TRMT44: variants seen among roughly 807,000 people sequenced by gnomAD.
TRMT44 encodes the protein probable tRNA (uracil-O(2)-)-methyltransferase.
Under a neutral mutation model 77.3 loss-of-function variants are expected in TRMT44, and 78 were observed. That is an observed-to-expected ratio of 1.01 (90% CI 0.84 to 1.22). TRMT44 has a LOEUF of 1.22. TRMT44 is among the 50% of genes most tolerant of loss of function. The pLI, the probability that TRMT44 is intolerant of heterozygous loss-of-function variation, is 0.00. For missense variants in TRMT44, 1,090 were observed against 964.4 expected (o/e 1.13, Z -1.73); for synonymous variants, 391 against 383.3 (o/e 1.02, Z -0.23).
rs187709509 is a variant in TRMT44 at position 8,461,307 on chromosome 4, A to G, written c.1204-2678A>G. Among the ~76,000 whole-genome samples, 35 of 152,312 alleles carry G rather than the reference A, an allele frequency of 2.3e-4. No homozygotes were observed. The highest frequency in any genetic ancestry group is 1.1e-3 in the Admixed American group (17 of 15,298). On this transcript the variant is annotated intron_variant, in intron 6 of 10. Coordinates refer to ENST00000389737, the MANE Select transcript of TRMT44 (RefSeq NM_152544.3). The surrounding 1 kb of genome is among the most constrained non-coding windows in gnomAD (Gnocchi z 4.6). ...AGTGCACTCGGGAGGCTCTGCAAAT[A>G]TGTGTGTAGACTATAGACTCTCACA...
At chr4:8,469,789 C>T (rs983054010) in intron 9 of TRMT44, among the ~76,000 whole-genome samples, 3 of 152,242 alleles carry the variant, frequency 2.0e-5, no homozygotes, top group African/African-American at 7.2e-5. Context: ...TCCCTCCCGC[C>T]CACAGGCGGC....
intron 5 of TRMT44, chr4:8,453,268 C>A: frequency 4.5e-6 from 1 of 221,858 alleles, no homozygotes; most frequent in Non-Finnish European, 8.8e-6. Flanking sequence ...TGTTTTTTTG[C>A]TGTCAGATTT....
At chr4:8,492,665 C>T (rs551497973) in intron 2 of TRMT44, among the ~76,000 whole-genome samples, 2 of 152,340 alleles carry the variant, frequency 1.3e-5, no homozygotes, top group Admixed American at 1.3e-4. Flanking sequence ...TACATACCTC[C>T]CTCACAAGGA....
intron 2 of TRMT44, among the ~76,000 whole-genome samples, chr4:8,491,526 G>A (rs1224092555): frequency 2.0e-5 from 3 of 152,240 alleles, no homozygotes; most frequent in Non-Finnish European, 4.4e-5. Context: ...GCTCAGGCAT[G>A]GCGGGCTGCA....
chr4:8,441,020 G>A lies in TRMT44; in HGVS notation c.198G>A (p.Glu66=), dbSNP rs1207453129. 6.6e-7 allele frequency: 1 copy of A among 1,507,306 alleles called. No homozygotes were observed. The highest frequency in any genetic ancestry group is 2.5e-5 in the East Asian group (1 of 40,406). 93.4% of individuals were successfully genotyped at this position (1,507,306 alleles called of 1,614,324 possible). Residue 66 remains glutamate, a synonymous_variant, in exon 1 of 11, where the codon GAG becomes GAA. Coordinates refer to ENST00000389737, the MANE Select transcript of TRMT44 (RefSeq NM_152544.3). ...ARGPGTSAGS[E]QKERGPGPGQ... ...GCCCCGGGACTAGCGCAGGCTCGGAGCAGAAGGAGCGGGGTCCGGGACCCG... is the reference window on the plus strand; with the variant it reads ...GCCCCGGGACTAGCGCAGGCTCGGAACAGAAGGAGCGGGGTCCGGGACCCG...
chr4:8,468,738 A>T (rs12509545), intron 9 of TRMT44, among the ~76,000 whole-genome samples: 3,898 of 152,364 alleles, frequency 0.026, 88 homozygotes, highest in African/African-American at 0.064. Context: ...CGATAATTTA[A>T]TTCTCTTTGA....
At chr4:8,454,863 A>G in intron 6 of TRMT44, 50 bp downstream of exon 6, 1 of 1,542,384 alleles carries the variant, frequency 6.5e-7, no homozygotes, top group Non-Finnish European at 9.0e-7. Flanking sequence ...CTTAGCTCCC[A>G]GTGGGAATTG....
In TRMT44 at chr4:8,452,043, G is replaced by A. The variant is rs1363509430; in HGVS notation, c.1023+15G>A. ...CATACCTGCTGGTAAGGGTGTAAGC[G>A]ACCTCAGCTTCTCTGGAGTGGGTGG... On this transcript the variant is annotated intron_variant, in intron 4 of 10. Transcript: ENST00000389737. This position sits in a 1 kb window ranked among gnomAD's most constrained non-coding sequence, Gnocchi z 5.7. The A allele has an allele frequency of 4.6e-6, 7 of 1,535,740 alleles. No homozygotes were observed. In the East Asian group the frequency reaches 9.8e-5, roughly 21 times the overall value.
chr4:8,476,230 C>A lies in TRMT44; in HGVS notation c.*229C>A. 1 of 583,714 alleles carries A rather than the reference C, an allele frequency of 1.7e-6. No individual in the cohort carries two copies. The highest frequency in any genetic ancestry group is 3.1e-6 in the Non-Finnish European group (1 of 327,742). The allele number at this position is 583,714 out of a possible 1,614,324, so 36.2% of individuals were successfully genotyped here. ...CTGCCTGGCTTGTTTCAGATGCAGC[C>A]GCTTGAAACGTGCGCAGCATCTTCA... On this transcript the variant is annotated 3_prime_UTR_variant, in exon 11 of 11. Coordinates refer to ENST00000389737, the MANE Select transcript of TRMT44 (RefSeq NM_152544.3).
At chr4:8,496,386 A>G (rs1280271166), downstream of TRMT44, among the ~76,000 whole-genome samples, 1 of 152,224 alleles carries the variant, frequency 6.6e-6, no homozygotes, top group Non-Finnish European at 1.5e-5. Context: ...GGCCTGCAGC[A>G]GCACCTTGGT....
At chr4:8,489,206 A>G (rs116479118) in intron 2 of TRMT44, among the ~76,000 whole-genome samples, 3,453 of 152,294 alleles carry the variant, frequency 0.023, 70 homozygotes, top group African/African-American at 0.053. Flanking sequence ...CTGTCATTGC[A>G]TGGGATCACA....
chr4:8,460,967 G>C lies in TRMT44; in HGVS notation c.1204-3018G>C, dbSNP rs140414015. On this transcript the variant is annotated intron_variant, in intron 6 of 10. Coordinates refer to ENST00000389737, the MANE Select transcript of TRMT44 (RefSeq NM_152544.3). ...TGGACTGAGTGATCTTCCCACCTCA[G>C]CCTCCGAGTAGCTGGGGCCGCAGGT... is the stretch of plus-strand genomic sequence containing the variant. Among the ~76,000 whole-genome samples the C allele has an allele frequency of 1.2e-4, 18 of 152,264 alleles. No individual in the cohort carries two copies. The East Asian group carries it at 3.3e-3, about 28-fold the overall frequency.
In TRMT44 at chr4:8,440,840, T is replaced by C. The variant is rs1389772777; in HGVS notation, c.18T>C (p.Arg6=). 1 of 1,504,328 alleles carries C rather than the reference T, an allele frequency of 6.6e-7. No individual in the cohort carries two copies. Among genetic ancestry groups the C allele is most frequent in the African/African-American group, 1.4e-5 (1 of 70,544 alleles). The allele number at this position is 1,504,328 out of a possible 1,614,324, so 93.2% of individuals were successfully genotyped here. A position where few individuals can be genotyped will look rare whatever the true frequency, so the allele number is the denominator to read the frequency against. ...TGGCTGCCATGGCTGAGGTGGGCCG[T>C]ACCGGGATCAGCTACCCAGGCGCGC... The part of the protein sequence containing the change: MAEVG[R]TGISYPGALL... The change falls in exon 1 of 11, where the codon CGT becomes CGC. Residue 6 remains arginine (R), a synonymous_variant. Transcript: ENST00000389737.
downstream of TRMT44, chr4:8,477,756 A>G (rs1727464084): frequency 6.6e-6 from 1 of 152,550 alleles, no homozygotes; most frequent in African/African-American, 2.4e-5. Flanking sequence ...AGGACAAGCC[A>G]CCTGATGCCC....
At chr4:8,448,661 A>T (rs548264052) in intron 2 of TRMT44, among the ~76,000 whole-genome samples, 1 of 152,238 alleles carries the variant, frequency 6.6e-6, no homozygotes, top group South Asian at 2.1e-4. Flanking sequence ...AGTCCCGAGC[A>T]GGGAGCTGGG....
chr4:8,465,664 G>C, intron 8 of TRMT44, 103 bp downstream of exon 8: 1 of 1,025,628 alleles, frequency 9.8e-7, no homozygotes, highest in Non-Finnish European at 1.4e-6. Context: ...CGTTCAAAAT[G>C]TTCTAGAACG....
chr4:8,455,864 A>G (rs1203981521), intron 6 of TRMT44, among the ~76,000 whole-genome samples: 1 of 152,224 alleles, frequency 6.6e-6, no homozygotes, highest in Admixed American at 6.5e-5. Context: ...TACATTGGAA[A>G]ATTTTATTGG....
chr4:8,499,816 C>A, the TRMT44 span, among the ~76,000 whole-genome samples: 1 of 152,158 alleles, frequency 6.6e-6, no homozygotes, highest in Non-Finnish European at 1.5e-5. Flanking sequence ...CTGTCAGATG[C>A]TACACTGAGT....
intron 6 of TRMT44, among the ~76,000 whole-genome samples, chr4:8,458,341 CTTCCTT>C (rs991854026): frequency 8.5e-5 from 13 of 152,218 alleles, no homozygotes; most frequent in African/African-American, 3.1e-4. Flanking sequence ...CGTCCCTTCT[CTTCCTT>C]CTCCTCCTCA....
Sources: gnomAD v4.1 joint callset for allele counts (sites outside exome capture counted in the v4.1 genomes callset) on GRCh38, gnomAD v4.1.1 for gene constraint, Gnocchi (gnomAD v3.1) non-coding constraint, MANE v1.5 for transcripts, NCBI Gene and HGNC (gene_info 2026-07-23, HGNC 2026-07-21) for gene names.